Variants in CNTLN observed in about 807,000 individuals in gnomAD.
The protein encoded by CNTLN is centlein, centrosomal protein.
In CNTLN, 212 loss-of-function variants were observed where a neutral mutation model predicts 180.0. That is an observed-to-expected ratio of 1.18 (90% CI 1.05 to 1.32). CNTLN has a LOEUF of 1.32. Ranked by LOEUF, CNTLN falls within the 40% of genes most tolerant of loss-of-function variation. CNTLN has a pLI of 0.00. For missense variants in CNTLN, 2,095 were observed against 1,610.9 expected (o/e 1.30, Z -5.14); for synonymous variants, 722 against 563.1 (o/e 1.28, Z -3.99).
chr9:17,237,766 T>G lies in CNTLN; in HGVS notation c.849+1178T>G, dbSNP rs977888463. ...ATGGATATATGTGTGTGTATATGCA[T>G]GTGTGCAAGAATATTTAAGTTAGGG... On this transcript the variant is annotated intron_variant, in intron 5 of 25. Transcript: ENST00000380647. Among the ~76,000 whole-genome samples, 34 of 152,090 alleles carry G rather than the reference T, an allele frequency of 2.2e-4. 1 individual carries two copies. The highest frequency in any genetic ancestry group is 6.2e-4 in the South Asian group (3 of 4,802).
intron 15 of CNTLN, among the ~76,000 whole-genome samples, chr9:17,402,827 GTC>G (rs1280836814): frequency 6.6e-6 from 1 of 151,688 alleles, no homozygotes; most frequent in East Asian, 1.9e-4. Context: ...GTTCTCCTGA[GTC>G]TCTAGCCTAC....
chr9:17,365,763 A>T (rs368395061), intron 12 of CNTLN, among the ~76,000 whole-genome samples: 1 of 152,120 alleles, frequency 6.6e-6, no homozygotes, highest in Non-Finnish European at 1.5e-5. Flanking sequence ...AGTTCAGCCT[A>T]TGCAACTTGG....
chr9:17,245,520 G>C (rs889977636), intron 5 of CNTLN, among the ~76,000 whole-genome samples: 4 of 150,732 alleles, frequency 2.7e-5, no homozygotes, highest in Non-Finnish European at 4.4e-5. Context: ...CCTTGAGGTA[G>C]TTTTCTTTGG....
intron 11 of CNTLN, among the ~76,000 whole-genome samples, chr9:17,341,594 T>C (rs529277093): frequency 8.5e-5 from 13 of 152,306 alleles, no homozygotes; most frequent in African/African-American, 2.9e-4. Flanking sequence ...TTCTCATCTT[T>C]TGAGATGGAT....
chr9:17,373,260 A>T (rs1005767129), intron 13 of CNTLN, among the ~76,000 whole-genome samples: 8 of 152,220 alleles, frequency 5.3e-5, no homozygotes, highest in Non-Finnish European at 7.4e-5. Context: ...ATTAGAAAGG[A>T]TAAACAAATT....
At chr9:17,377,937 A>G (rs1307007508) in intron 13 of CNTLN, among the ~76,000 whole-genome samples, 2 of 152,156 alleles carry the variant, frequency 1.3e-5, no homozygotes, top group Admixed American at 6.5e-5. Flanking sequence ...TGAAATACCT[A>G]TGCATTTATT....
At chr9:17,528,037 GAGA>G in the CNTLN span, among the ~76,000 whole-genome samples, 1 of 152,000 alleles carries the variant, frequency 6.6e-6, no homozygotes, top group East Asian at 1.9e-4. Flanking sequence ...TGAATATATG[GAGA>G]AGAATAGACA....
intron 19 of CNTLN, among the ~76,000 whole-genome samples, chr9:17,458,835 A>C (rs576502833): frequency 4.6e-5 from 7 of 151,882 alleles, no homozygotes; most frequent in Non-Finnish European, 1.0e-4. Flanking sequence ...ATAACTTATA[A>C]AATATTAGAA....
chr9:17,238,578 T>G (rs947533149), intron 5 of CNTLN, among the ~76,000 whole-genome samples: 5 of 152,206 alleles, frequency 3.3e-5, no homozygotes, highest in Middle Eastern at 3.2e-3. Flanking sequence ...CACAGAATCA[T>G]ATGCCTTTGT....
At chr9:17,494,860 T>C in intron 25 of CNTLN, 1 of 410,024 alleles carries the variant, frequency 2.4e-6, no homozygotes, top group Non-Finnish European at 4.7e-6. Flanking sequence ...CTAGTTTATG[T>C]ATTTACTATA....
At chr9:17,198,384 T>G (rs1822270988) in intron 2 of CNTLN, among the ~76,000 whole-genome samples, 2 of 148,622 alleles carry the variant, frequency 1.3e-5, no homozygotes, top group Non-Finnish European at 3.0e-5. Flanking sequence ...TGTCTTTTCT[T>G]TCTTTTTTTT....
chr9:17,443,537 G>A (rs534237420), intron 18 of CNTLN, among the ~76,000 whole-genome samples: 3 of 152,244 alleles, frequency 2.0e-5, no homozygotes, highest in East Asian at 3.9e-4. Flanking sequence ...ATAAAGAAAG[G>A]TAAGGGAAAA....
chr9:17,465,074 T>C (rs151144275), intron 21 of CNTLN, among the ~76,000 whole-genome samples: 4,178 of 150,798 alleles, frequency 0.028, 90 homozygotes, highest in South Asian at 0.1. Context: ...AAGGGAGTTG[T>C]AGTTAAAGTA....
intron 18 of CNTLN, among the ~76,000 whole-genome samples, chr9:17,451,653 A>G (rs1243445781): frequency 6.6e-6 from 1 of 152,182 alleles, no homozygotes; most frequent in Non-Finnish European, 1.5e-5. Context: ...TTGCTCCAGC[A>G]TGGACTGCAA....
intron 25 of CNTLN, chr9:17,494,856 T>C (rs7847932): frequency 0.018 from 7,506 of 408,318 alleles, 504 homozygotes; most frequent in African/African-American, 0.14. Flanking sequence ...GTTACTAGTT[T>C]ATGTATTTAC....
intron 18 of CNTLN, among the ~76,000 whole-genome samples, chr9:17,431,057 C>T (rs550219032): frequency 6.6e-6 from 1 of 152,148 alleles, no homozygotes; most frequent in East Asian, 1.9e-4. Flanking sequence ...TTTCCTTTAG[C>T]TGTATACCCC....
chr9:17,166,322 T>G (rs1271766883), intron 2 of CNTLN, among the ~76,000 whole-genome samples: 1 of 152,064 alleles, frequency 6.6e-6, no homozygotes, highest in Non-Finnish European at 1.5e-5. Context: ...CCAAAGATTA[T>G]AACAGAGACA....
intron 15 of CNTLN, among the ~76,000 whole-genome samples, chr9:17,398,741 C>G (rs550365861): frequency 3.3e-5 from 5 of 152,172 alleles, no homozygotes; most frequent in Non-Finnish European, 5.9e-5. Flanking sequence ...GTTTCAGAAG[C>G]AGAGAAATAA....
In CNTLN at chr9:17,423,345, T is replaced by C. The variant is rs181572763; in HGVS notation, c.3114+7156T>C. Reference sequence around the variant, plus strand: ...TTCTGGCCCAGGGTGGGTCTAGAAATGCCGTACAGGAGCTAGGGCCTGGAA... The same window carrying C: ...TTCTGGCCCAGGGTGGGTCTAGAAACGCCGTACAGGAGCTAGGGCCTGGAA... On this transcript the variant is annotated intron_variant, in intron 18 of 25. Transcript: ENST00000380647. 3.5e-4 allele frequency among the ~76,000 whole-genome samples: 53 copies of C among 152,236 alleles called. No homozygotes were observed. In the East Asian group the frequency reaches 4.3e-3, roughly 12 times the overall value.
Sources: allele counts gnomAD v4.1 joint callset (sites outside exome capture counted in the v4.1 genomes callset), GRCh38; gene constraint gnomAD v4.1.1; transcripts MANE v1.5; gene names NCBI Gene and HGNC (gene_info 2026-07-23, HGNC 2026-07-21).